FIGLA: variants seen among roughly 807,000 people sequenced by gnomAD.
FIGLA encodes factor in the germline alpha.
A neutral mutation model predicts 21.5 loss-of-function variants in FIGLA; 17 were observed. The ratio of observed to expected loss-of-function variants is 0.79; its 90% confidence interval spans 0.54 to 1.19. The LOEUF (loss-of-function observed/expected upper bound fraction) is 1.19. Ranked by LOEUF, FIGLA falls within the 50% of genes most tolerant of loss-of-function variation. FIGLA has a pLI of 0.00. For missense variants in FIGLA, 282 were observed against 285.0 expected (o/e 0.99, Z 0.08); for synonymous variants, 129 against 117.6 (o/e 1.10, Z -0.63).
chr2:70,779,284 C>T (rs1553388798), intron 3 of FIGLA, among the ~76,000 whole-genome samples: 1 of 152,164 alleles, frequency 6.6e-6, no homozygotes, highest in Non-Finnish European at 1.5e-5. Flanking sequence ...AAATGCTGGG[C>T]TGACTAATCT....
At chr2:70,789,141 A>C (rs1676010088) in intron 1 of FIGLA, among the ~76,000 whole-genome samples, 1 of 98,552 alleles carries the variant, frequency 1.0e-5, no homozygotes, top group Admixed American at 1.0e-4. Context: ...ATATGTACTG[A>C]ATATTTTGTA....
rs1553388431 is a variant in FIGLA, at chr2:70,777,370, T to C, written c.657A>G (p.Val219=). 6.7e-7 allele frequency: 1 copy of C among 1,498,234 alleles called. No homozygotes were observed. Among genetic ancestry groups the C allele is most frequent in the South Asian group, 1.4e-5 (1 of 73,630 alleles). The allele number at this position is 1,498,234 out of a possible 1,614,324, so 92.8% of individuals were successfully genotyped here. A position where few individuals can be genotyped will look rare whatever the true frequency, so the allele number is the denominator to read the frequency against. ...VELLSHRLPQ[V] ...TAACCCTGGGCCTTTTCATTTTTCA[T>C]ACTTGTGGAAGTCTGAAACAGAGAA... Residue 219 remains valine, a synonymous_variant, in exon 5 of 5, where the codon GTA becomes GTG. Coordinates refer to ENST00000332372, the MANE Select transcript of FIGLA (RefSeq NM_001004311.3).
At position 70,777,901 on chromosome 2, in the gene FIGLA, G is replaced by A. The variant is rs1195412550; in HGVS notation, c.610-230C>T. On this transcript the variant is annotated intron_variant, in intron 3 of 4. Transcript: ENST00000332372. Reference sequence around the variant, plus strand: ...AGGAAAAGAAATGGGAAGGATTTTAGTGTATTTCCATCAGTGGTTTTACTA... The same window carrying A: ...AGGAAAAGAAATGGGAAGGATTTTAATGTATTTCCATCAGTGGTTTTACTA... Among the ~76,000 whole-genome samples the A allele has an allele frequency of 2.0e-5, 3 of 152,138 alleles. No individual in the cohort carries two copies. The South Asian group carries it at 6.2e-4, about 32-fold the overall frequency.
intron 2 of FIGLA, among the ~76,000 whole-genome samples, chr2:70,787,097 T>G (rs1401239063): frequency 1.3e-5 from 2 of 152,238 alleles, no homozygotes; most frequent in Non-Finnish European, 2.9e-5. Context: ...ATTATGATAC[T>G]TCACAGTTTA....
intron 2 of FIGLA, among the ~76,000 whole-genome samples, chr2:70,787,197 T>C (rs1675971775): frequency 6.6e-6 from 1 of 152,214 alleles, no homozygotes; most frequent in South Asian, 2.1e-4. Flanking sequence ...CAGTTGGCCT[T>C]AGGGAGGGTC....
intron 2 of FIGLA, 59 bp from the exon 3 acceptor site, chr2:70,785,698 A>C: frequency 1.5e-6 from 2 of 1,306,948 alleles, no homozygotes; most frequent in Non-Finnish European, 2.2e-6. Flanking sequence ...TTGATGACTT[A>C]AACTAATATA....
rs1553390670 is a variant in FIGLA at position 70,790,388 on chromosome 2, C to T, written c.231+20G>A. On this transcript the variant is annotated intron_variant, in intron 1 of 4. Transcript: ENST00000332372. ...GAGCAGGGAAGGGGGGAACGGACGT[C>T]GACCCTAGGGATCCCTCACCCGCTC... 1 of 1,500,528 alleles carries T rather than the reference C, an allele frequency of 6.7e-7. No homozygotes were observed. The highest frequency in any genetic ancestry group is 8.9e-7 in the Non-Finnish European group (1 of 1,122,634). 93.0% of individuals were successfully genotyped at this position (1,500,528 alleles called of 1,614,324 possible).
chr2:70,780,739 C>T (rs782773785), intron 3 of FIGLA, among the ~76,000 whole-genome samples: 2 of 152,148 alleles, frequency 1.3e-5, no homozygotes, highest in African/African-American at 2.4e-5. Flanking sequence ...CCCTCCTAAA[C>T]AATTCAGTAC....
In FIGLA at chr2:70,785,723, C is replaced by T. The variant is rs868934943; in HGVS notation, c.385-84G>A. ...AAACTAATATATTTCAAAGTTTTAA[C>T]TGATGAGGTTTCATTTAAATGATAA... On this transcript the variant is annotated intron_variant, in intron 2 of 4. Transcript: ENST00000332372. 1.6e-5 allele frequency: 16 copies of T among 1,022,620 alleles called. No homozygotes were observed. In the Middle Eastern group the frequency reaches 2.3e-3, roughly 150 times the overall value. The allele number at this position is 1,022,620 out of a possible 1,614,324, so 63.3% of individuals were successfully genotyped here. A position where few individuals can be genotyped will look rare whatever the true frequency, so the allele number is the denominator to read the frequency against.
intron 3 of FIGLA, 131 bp downstream of exon 3, chr2:70,785,284 G>T: frequency 1.2e-6 from 1 of 803,382 alleles, no homozygotes; most frequent in Non-Finnish European, 2.0e-6. Context: ...AAACCCCACT[G>T]CCCCACCCAA....
At chr2:70,779,939 G>A (rs561860893) in intron 3 of FIGLA, among the ~76,000 whole-genome samples, 1 of 152,290 alleles carries the variant, frequency 6.6e-6, no homozygotes, top group South Asian at 2.1e-4. Flanking sequence ...ATCTAGCAAT[G>A]CCAACCCCAA....
At chr2:70,786,526 G>C (rs539613970) in intron 2 of FIGLA, among the ~76,000 whole-genome samples, 2 of 152,052 alleles carry the variant, frequency 1.3e-5, no homozygotes, top group Admixed American at 1.3e-4. Context: ...GGATGGTCTC[G>C]ATCTCCTGAC....
At chr2:70,779,623 A>G (rs782806633) in intron 3 of FIGLA, among the ~76,000 whole-genome samples, 3 of 152,210 alleles carry the variant, frequency 2.0e-5, no homozygotes, top group Non-Finnish European at 2.9e-5. Context: ...TTTCTCTCAG[A>G]AACTCTTTCA....
chr2:70,787,640 CACCTTT>C lies in FIGLA; in HGVS notation c.384+3_384+8del. ...TGGCTATCATTATTCTAAAATCTTACACCTTTACCTTTGAGTCTTTGGCTCCTTCCA... is the reference window on the plus strand; with the variant it reads ...TGGCTATCATTATTCTAAAATCTTACACCTTTGAGTCTTTGGCTCCTTCCA... On this transcript the variant is annotated splice_donor_5th_base_variant and intron_variant, in intron 2 of 4. Transcript: ENST00000332372. The C allele has an allele frequency of 4.5e-6, 7 of 1,554,752 alleles. No individual in the cohort carries two copies. Among genetic ancestry groups the C allele is most frequent in the Non-Finnish European group, 6.1e-6 (7 of 1,148,714 alleles).
At chr2:70,786,987 A>G (rs1278337344) in intron 2 of FIGLA, among the ~76,000 whole-genome samples, 2 of 152,134 alleles carry the variant, frequency 1.3e-5, no homozygotes, top group Non-Finnish European at 2.9e-5. Context: ...TCAGCCCATC[A>G]ATGTTTGCCT....
chr2:70,777,766 T>C (rs1381525682), intron 3 of FIGLA, 95 bp from the exon 4 acceptor site: 2 of 599,304 alleles, frequency 3.3e-6, no homozygotes, highest in South Asian at 3.0e-5. Flanking sequence ...TGGCCAACAG[T>C]AAAAAAATTG....
chr2:70,786,944 C>T lies in FIGLA; in HGVS notation c.384+705G>A, dbSNP rs553406292. 7.2e-5 allele frequency among the ~76,000 whole-genome samples: 11 copies of T among 152,278 alleles called. No homozygotes were observed. In the South Asian group the frequency reaches 2.1e-3, roughly 29 times the overall value. ...TCATTTCTAAGGCCTTTTCTCTCTT[C>T]CTATTTTGTTTCCCCAGATGACTGA... On this transcript the variant is annotated intron_variant, in intron 2 of 4. Coordinates refer to ENST00000332372, the MANE Select transcript of FIGLA (RefSeq NM_001004311.3).
At chr2:70,790,302 C>T in intron 1 of FIGLA, 106 bp downstream of exon 1, 2 of 1,232,830 alleles carry the variant, frequency 1.6e-6, no homozygotes, top group Non-Finnish European at 2.1e-6. Flanking sequence ...AGCTCGAAGT[C>T]GCCTCGAGCG....
At chr2:70,778,954 C>T (rs6747504) in intron 3 of FIGLA, among the ~76,000 whole-genome samples, 3,596 of 152,250 alleles carry the variant, frequency 0.024, 145 homozygotes, top group African/African-American at 0.083. Flanking sequence ...TCCTTGCTCA[C>T]TCAGCTTTAG....
Sources: gnomAD v4.1 joint callset for allele counts (sites outside exome capture counted in the v4.1 genomes callset) on GRCh38, gnomAD v4.1.1 for gene constraint, MANE v1.5 for transcripts, NCBI Gene and HGNC (gene_info 2026-07-23, HGNC 2026-07-21) for gene names.